Variants in ZNF678 observed in about 807,000 individuals in gnomAD.
The protein encoded by ZNF678 is hypothetical protein MGC42493.
Under a neutral mutation model 3.0 loss-of-function variants are expected in ZNF678, and 5 were observed. That is an observed-to-expected ratio of 1.69 (90% CI 0.88 to 3.56). ZNF678 has a LOEUF of 3.56. Ranked by LOEUF, ZNF678 falls within the 30% of genes most tolerant of loss-of-function variation. ZNF678 has a pLI of 0.00. For synonymous variants in ZNF678, 218 were observed against 199.6 expected, an observed-to-expected ratio of 1.09 and a Z score of -0.78; for missense variants, 593 against 605.0, an observed-to-expected ratio of 0.98 and a Z score of 0.21.
chr1:227,601,893 C>T (rs1267872112), intron 1 of ZNF678, among the ~76,000 whole-genome samples: 1 of 152,108 alleles, frequency 6.6e-6, no homozygotes, highest in African/African-American at 2.4e-5. Flanking sequence ...TATAGAAATG[C>T]TAGTAATTTT....
chr1:227,565,024 C>T (rs868398214), intron 1 of ZNF678, among the ~76,000 whole-genome samples: 20 of 148,736 alleles, frequency 1.3e-4, no homozygotes, highest in Admixed American at 4.0e-4. Context: ...TGAGCCACCA[C>T]GCCTGGCCTG....
chr1:227,651,951 C>G (rs930004506), intron 3 of ZNF678, among the ~76,000 whole-genome samples: 2 of 152,172 alleles, frequency 1.3e-5, no homozygotes, highest in Non-Finnish European at 2.9e-5. Context: ...AGAGGACCTC[C>G]TGTTCCAACA....
Position 227,606,742 on chromosome 1 carries a change from G to A in ZNF678, c.-163-39802G>A, listed in dbSNP as rs146519452. Among the ~76,000 whole-genome samples the A allele has an allele frequency of 4.8e-3, 736 of 152,098 alleles. 4 individuals carry two copies. The highest frequency in any genetic ancestry group is 0.015 in the African/African-American group (625 of 41,468). ...TCCCTGCGGCTTTCTGCAGTGCATC[G>A]TGTCCCTGGTTAATAGAGAATGGAG... On this transcript the variant is annotated intron_variant, in intron 1 of 3. Transcript: ENST00000343776.
At chr1:227,593,773 C>CTTTAG (rs929062063) in intron 1 of ZNF678, among the ~76,000 whole-genome samples, 1 of 151,602 alleles carries the variant, frequency 6.6e-6, no homozygotes, top group Admixed American at 6.6e-5. Context: ...TTTTTCTTAG[C>CTTTAG]TTTGGTAGGG....
At position 227,598,755 on chromosome 1, in the gene ZNF678, C is replaced by T. The variant is rs180765442; in HGVS notation, c.-164+35031C>T. On this transcript the variant is annotated intron_variant, in intron 1 of 3. Coordinates refer to ENST00000343776, the MANE Select transcript of ZNF678 (RefSeq NM_001367909.1). ...GGAGCTTTCAGAAGATTTATGTCAA[C>T]GGTTCTTTTTCTTTCTCTGTTTTCC... The T allele has an allele frequency of 3.6e-5, 19 of 526,756 alleles. No homozygotes were observed. In the East Asian group the frequency reaches 3.9e-4, roughly 11 times the overall value. 32.6% of individuals were successfully genotyped at this position (526,756 alleles called of 1,614,324 possible).
chr1:227,670,446 G>C (rs888367598), intron 5 of ZNF678, among the ~76,000 whole-genome samples: 1 of 152,194 alleles, frequency 6.6e-6, no homozygotes, highest in Non-Finnish European at 1.5e-5. Flanking sequence ...TAAAGTGTAA[G>C]ATTATTATGG....
chr1:227,573,684 C>G (rs1374417727), intron 1 of ZNF678, among the ~76,000 whole-genome samples: 1 of 97,478 alleles, frequency 1.0e-5, no homozygotes, highest in Non-Finnish European at 2.2e-5. Flanking sequence ...TTATTTGTAA[C>G]TTTTAAGTTC....
At chr1:227,587,426 C>T (rs868754790) in intron 1 of ZNF678, among the ~76,000 whole-genome samples, 7 of 152,128 alleles carry the variant, frequency 4.6e-5, no homozygotes, top group South Asian at 4.2e-4. Context: ...GCCTTCTTTT[C>T]TGTACTTTCA....
intron 1 of ZNF678, among the ~76,000 whole-genome samples, chr1:227,608,566 G>T (rs547744249): frequency 3.6e-4 from 54 of 151,954 alleles, no homozygotes; most frequent in Non-Finnish European, 6.8e-4. Context: ...TACACTGTTG[G>T]GTTCAGAAGC....
intron 1 of ZNF678, among the ~76,000 whole-genome samples, chr1:227,623,915 T>G (rs1329655420): frequency 6.6e-6 from 1 of 152,206 alleles, no homozygotes; most frequent in Non-Finnish European, 1.5e-5. Flanking sequence ...ATAATCTCAT[T>G]TTATATATTT....
At chr1:227,617,422 G>C (rs1402404634) in intron 1 of ZNF678, among the ~76,000 whole-genome samples, 2 of 152,182 alleles carry the variant, frequency 1.3e-5, no homozygotes, top group African/African-American at 4.8e-5. Context: ...TACCGTCATG[G>C]GGAGTACCTT....
chr1:227,630,917 T>C (rs1658532447), intron 1 of ZNF678, among the ~76,000 whole-genome samples: 1 of 152,164 alleles, frequency 6.6e-6, no homozygotes, highest in Non-Finnish European at 1.5e-5. Flanking sequence ...CATATGGCAC[T>C]TCACTCCATT....
downstream of ZNF678, among the ~76,000 whole-genome samples, chr1:227,665,540 G>T (rs1659490476): frequency 6.6e-6 from 1 of 152,198 alleles, no homozygotes; most frequent in South Asian, 2.1e-4. Context: ...GAGGCTTAAG[G>T]TTGTACACTT....
At chr1:227,670,138 TAAAC>T (rs1165805013) in intron 5 of ZNF678, among the ~76,000 whole-genome samples, 1 of 152,182 alleles carries the variant, frequency 6.6e-6, no homozygotes, top group Non-Finnish European at 1.5e-5. Flanking sequence ...AAGTGGAAGA[TAAAC>T]AAATAGGCAC....
chr1:227,595,066 T>C (rs1362410249), intron 1 of ZNF678, among the ~76,000 whole-genome samples: 1 of 152,214 alleles, frequency 6.6e-6, no homozygotes, highest in Non-Finnish European at 1.5e-5. Context: ...CAAAGTGGTA[T>C]TGGAGTGTTA....
intron 1 of ZNF678, among the ~76,000 whole-genome samples, chr1:227,633,409 T>G (rs1201135495): frequency 6.6e-6 from 1 of 152,192 alleles, no homozygotes; most frequent in Admixed American, 6.5e-5. Context: ...TTTAGCCTAA[T>G]TGGTATTTTA....
At chr1:227,616,707 G>T (rs1658150394) in intron 1 of ZNF678, among the ~76,000 whole-genome samples, 1 of 152,152 alleles carries the variant, frequency 6.6e-6, no homozygotes, top group African/African-American at 2.4e-5. Flanking sequence ...ACTGTCCGGG[G>T]GTGTCTCAGA....
chr1:227,655,509 T>A lies in ZNF678; in HGVS notation c.1259T>A (p.Leu420Gln). ...CGKVFKQCSH[L>Q]TSHKRIHTGE... ...AAAGTTTTTAAACAGTGCTCTCACC[T>A]AACTAGCCATAAGAGAATTCATACT... The change falls in exon 4 of 4, where the codon CTA becomes CAA. Residue 420 changes from leucine to glutamine, a missense_variant. By Grantham distance (113) the Leu-to-Gln change is moderately radical. Transcript: ENST00000343776. 1 of 1,612,524 alleles carries A rather than the reference T, an allele frequency of 6.2e-7. No individual in the cohort carries two copies. Among genetic ancestry groups the A allele is most frequent in the Non-Finnish European group, 8.5e-7 (1 of 1,179,384 alleles).
chr1:227,568,236 A>G (rs1040471167), intron 1 of ZNF678, among the ~76,000 whole-genome samples: 1 of 152,072 alleles, frequency 6.6e-6, no homozygotes, highest in African/African-American at 2.4e-5. Context: ...GGTCATCACC[A>G]TGGTCTGATT....
Sources: allele counts gnomAD v4.1 joint callset (sites outside exome capture counted in the v4.1 genomes callset), GRCh38; gene constraint gnomAD v4.1.1; transcripts MANE v1.5; gene names NCBI Gene and HGNC (gene_info 2026-07-23, HGNC 2026-07-21).